Variants in KCNN2 observed in about 807,000 individuals in gnomAD.
KCNN2 encodes the protein small conductance calcium-activated potassium channel protein 2.
KCNN2 carries 24 observed loss-of-function variants against 55.5 expected under a neutral mutation model. The observed-to-expected ratio is 0.43, with a 90% CI of 0.31 to 0.61. The LOEUF is 0.61. Among genes scored for constraint, KCNN2 ranks in the 20% least tolerant of loss-of-function variants. KCNN2 has a pLI of 0.08. For synonymous variants in KCNN2, 431 were observed against 336.1 expected (o/e 1.28, Z -3.09); for missense variants, 754 against 853.6 (o/e 0.88, Z 1.45).
chr5:114,155,955 C>A (rs960078456), intron 1 of KCNN2, among the ~76,000 whole-genome samples: 1 of 152,058 alleles, frequency 6.6e-6, no homozygotes, highest in Non-Finnish European at 1.5e-5. Flanking sequence ...AATCTTTGCC[C>A]ATGCTTGTGT....
intron 2 of KCNN2, among the ~76,000 whole-genome samples, chr5:114,249,689 T>G (rs1754819924): frequency 6.7e-6 from 1 of 149,938 alleles, no homozygotes; most frequent in Admixed American, 6.7e-5. Flanking sequence ...AAATTGGAAT[T>G]AGTCTGAATG....
chr5:114,244,470 A>C (rs1385748479), intron 2 of KCNN2, among the ~76,000 whole-genome samples: 1 of 151,958 alleles, frequency 6.6e-6, no homozygotes, highest in East Asian at 1.9e-4. Flanking sequence ...GGTGGCGGGC[A>C]CCTGTGATCC....
intron 1 of KCNN2, among the ~76,000 whole-genome samples, chr5:114,077,751 G>C (rs568326570): frequency 1.7e-4 from 26 of 152,324 alleles, no homozygotes; most frequent in Non-Finnish European, 2.9e-4. Context: ...GTTACACTGA[G>C]GCACAGATAA....
intron 1 of KCNN2, among the ~76,000 whole-genome samples, chr5:114,177,187 G>C (rs1277515401): frequency 6.7e-6 from 1 of 148,672 alleles, no homozygotes; most frequent in African/African-American, 2.5e-5. Context: ...GCCCAGGCTG[G>C]AGTGCAGTGG....
At chr5:114,403,585 T>C (rs1758849206) in intron 2 of KCNN2, among the ~76,000 whole-genome samples, 1 of 152,190 alleles carries the variant, frequency 6.6e-6, no homozygotes, top group Non-Finnish European at 1.5e-5. Flanking sequence ...CATTTCCAAA[T>C]GCTTCTGGTT....
chr5:114,321,898 C>T (rs991823127), intron 2 of KCNN2, among the ~76,000 whole-genome samples: 2 of 152,102 alleles, frequency 1.3e-5, no homozygotes, highest in African/African-American at 4.8e-5. Context: ...GATCTGCCTG[C>T]CTCGGCCTCC....
chr5:114,144,610 G>A (rs1407429011), intron 1 of KCNN2, among the ~76,000 whole-genome samples: 1 of 152,050 alleles, frequency 6.6e-6, no homozygotes, highest in African/African-American at 2.4e-5. Context: ...CTATTAAAAT[G>A]CTATGATACT....
intron 1 of KCNN2, among the ~76,000 whole-genome samples, chr5:114,117,406 C>T (rs1166616183): frequency 1.3e-5 from 2 of 152,152 alleles, no homozygotes; most frequent in East Asian, 1.9e-4. Flanking sequence ...TAGTGGATAC[C>T]ACAGCTTATT....
chr5:114,359,650 C>G (rs779370413), upstream of KCNN2, among the ~76,000 whole-genome samples: 11 of 152,128 alleles, frequency 7.2e-5, no homozygotes, highest in Non-Finnish European at 1.6e-4. Flanking sequence ...GCTATGTAAT[C>G]TTTTATCTAA....
At chr5:114,215,718 G>A (rs4437362) in intron 1 of KCNN2, among the ~76,000 whole-genome samples, 53,807 of 151,806 alleles carry the variant, frequency 0.35, 10,167 homozygotes, top group East Asian at 0.73. Flanking sequence ...GGCAATAATC[G>A]ACTGTTTTCT....
intron 2 of KCNN2, among the ~76,000 whole-genome samples, chr5:114,306,224 T>C (rs1244935084): frequency 6.6e-6 from 1 of 152,196 alleles, no homozygotes; most frequent in Non-Finnish European, 1.5e-5. Context: ...ATTCACCAGA[T>C]CTGCCTGCCA....
chr5:114,179,514 C>T (rs556331741), intron 1 of KCNN2, among the ~76,000 whole-genome samples: 67 of 152,306 alleles, frequency 4.4e-4, no homozygotes, highest in African/African-American at 1.6e-3. Flanking sequence ...AAGAACAAGC[C>T]TAAGGTCACT....
chr5:114,236,358 T>G (rs1754492215), intron 2 of KCNN2, among the ~76,000 whole-genome samples: 1 of 152,198 alleles, frequency 6.6e-6, no homozygotes, highest in Middle Eastern at 3.4e-3. Context: ...TTTGTTTGGG[T>G]TTTTAAAGAT....
At chr5:114,176,889 T>C (rs1239489944) in intron 1 of KCNN2, among the ~76,000 whole-genome samples, 1 of 152,172 alleles carries the variant, frequency 6.6e-6, no homozygotes, top group Admixed American at 6.5e-5. Flanking sequence ...TAAGTTAATA[T>C]AGAACTTTAC....
chr5:114,164,315 T>C (rs528957051), intron 1 of KCNN2, among the ~76,000 whole-genome samples: 2 of 152,276 alleles, frequency 1.3e-5, no homozygotes, highest in South Asian at 4.1e-4. Flanking sequence ...AATATTAATA[T>C]ATCCTTTAAC....
chr5:114,269,494 C>CT (rs67045907), intron 2 of KCNN2, among the ~76,000 whole-genome samples: 13,023 of 144,124 alleles, frequency 0.09, 692 homozygotes, highest in African/African-American at 0.15. Context: ...TGGTTCTCAC[C>CT]TTTTTTTTTT....
At chr5:114,404,924 A>AG in intron 3 of KCNN2, 68 bp downstream of exon 3, 1 of 1,415,982 alleles carries the variant, frequency 7.1e-7, no homozygotes, top group Non-Finnish European at 9.6e-7. Context: ...GAAAAAAAAA[A>AG]TTTTAGACTT....
chr5:114,260,757 TA>T (rs1271631070), intron 2 of KCNN2, among the ~76,000 whole-genome samples: 1 of 152,200 alleles, frequency 6.6e-6, no homozygotes, highest in African/African-American at 2.4e-5. Context: ...ACCTTTGTCT[TA>T]ATAGTCTAAA....
intron 2 of KCNN2, among the ~76,000 whole-genome samples, chr5:114,283,891 T>C (rs747723500): frequency 1.1e-4 from 17 of 152,180 alleles, no homozygotes; most frequent in Non-Finnish European, 2.5e-4. Flanking sequence ...GGTTTTTACC[T>C]TTGTCACGCA....
Sources: allele counts gnomAD v4.1 joint callset (sites outside exome capture counted in the v4.1 genomes callset), GRCh38; gene constraint gnomAD v4.1.1; transcripts MANE v1.5; gene names NCBI Gene and HGNC (gene_info 2026-07-23, HGNC 2026-07-21).